Variants in DARS2 observed in about 807,000 individuals in gnomAD.
DARS2 encodes aspartyl-tRNA synthetase 2, mitochondrial, also known as aspartate--tRNA ligase, mitochondrial.
A neutral mutation model predicts 83.0 loss-of-function variants in DARS2; 63 were observed. That is an observed-to-expected ratio of 0.76 (90% confidence interval 0.62 to 0.94). The LOEUF (loss-of-function observed/expected upper bound fraction) is 0.94. DARS2 is among the 40% of genes least tolerant of loss of function. DARS2 has a pLI of 0.00. For missense variants in DARS2, 675 were observed against 774.4 expected (o/e 0.87, Z 1.52); for synonymous variants, 250 against 269.3 (o/e 0.93, Z 0.70).
Position 173,826,747 on chromosome 1 carries a change from G to A in DARS2, c.188G>A (p.Gly63Asp), listed in dbSNP as rs114714497. 294 of 1,613,146 alleles carry A rather than the reference G, an allele frequency of 1.8e-4. 1 individual carries two copies. The African/African-American group carries it at 3.6e-3, about 20-fold the overall frequency. The part of the protein sequence containing the change: ...TCGELRSSHL[G>D]QEVTLCGWIQ... ...GGAGAGTTGCGTTCGTCTCACTTAG[G>A]CCAAGAAGTCACCTTGTGTGGATGG... The change falls in exon 2 of 17, where the codon GGC (glycine) becomes GAC (aspartate). Residue 63 changes from glycine to aspartate, a missense_variant. Physicochemically the swap from Gly to Asp is moderately conservative, Grantham distance 94 (BLOSUM62 -1). Coordinates refer to ENST00000649689, the MANE Select transcript of DARS2 (RefSeq NM_018122.5).
rs531672172 is a variant in DARS2, at chr1:173,850,366, A to G, written c.1231A>G (p.Asn411Asp). Residue 411 changes from asparagine (N) to aspartate (D), a missense_variant, in exon 13 of 17, where the codon AAT becomes GAT. Coordinates refer to ENST00000649689, the MANE Select transcript of DARS2 (RefSeq NM_018122.5). ...ATTCCTTAACGCCAATAGAAACTGGAATTCTCCAGTTGCTAATTTCATAAT... is the reference window on the plus strand; with the variant it reads ...ATTCCTTAACGCCAATAGAAACTGGGATTCTCCAGTTGCTAATTTCATAAT... ...PVFLNANRNW[N>D]SPVANFIMES... 10 of 1,613,490 alleles carry G rather than the reference A, an allele frequency of 6.2e-6. No homozygotes were observed. In the South Asian group the frequency reaches 9.9e-5, roughly 16 times the overall value.
At chr1:173,855,801 C>A (rs1420898409) in intron 15 of DARS2, among the ~76,000 whole-genome samples, 13 of 150,854 alleles carry the variant, frequency 8.6e-5, no homozygotes, top group African/African-American at 3.0e-4. Flanking sequence ...CACAGGCACA[C>A]ACCATCACGC....
intron 12 of DARS2, among the ~76,000 whole-genome samples, chr1:173,847,926 C>T (rs58930477): frequency 0.016 from 2,307 of 146,890 alleles, 66 homozygotes; most frequent in African/African-American, 0.055. Context: ...CATCTCGGCT[C>T]ACTGCAAGCT....
In DARS2 at chr1:173,825,327, T is replaced by A. The variant is rs770435871; in HGVS notation, c.98T>A (p.Leu33Gln). The change falls in exon 1 of 17, where the codon CTG (leucine) becomes CAG (glutamine). Residue 33 changes from leucine (L) to glutamine (Q), a missense_variant. Leu to Gln is a moderately radical substitution (Grantham distance 113). Transcript: ENST00000649689. ...ATCTGGGGTTCTCTCTACAGAAGTC[T>A]GTTGCAGAGTTCACAGAGGAGAATT... ...QPIWGSLYRSLLQSSQRRIPE... is the reference protein window; with the variant it reads ...QPIWGSLYRSQLQSSQRRIPE... The A allele has an allele frequency of 1.9e-6, 3 of 1,613,820 alleles. No homozygotes were observed. The highest frequency in any genetic ancestry group is 1.1e-5 in the South Asian group (1 of 91,088).
chr1:173,854,981 C>A (rs964395729), intron 15 of DARS2, among the ~76,000 whole-genome samples: 1 of 152,038 alleles, frequency 6.6e-6, no homozygotes, highest in East Asian at 1.9e-4. Flanking sequence ...CCTAAAAGAT[C>A]GTTTTGTGGG....
intron 13 of DARS2, 63 bp from the exon 14 acceptor site, chr1:173,853,286 C>A: frequency 6.6e-7 from 1 of 1,521,098 alleles, no homozygotes; most frequent in Non-Finnish European, 9.1e-7. Context: ...GGAATCCAGG[C>A]TGTGTCATTT....
At chr1:173,835,526 C>T (rs995346644) in intron 7 of DARS2, among the ~76,000 whole-genome samples, 2 of 150,700 alleles carry the variant, frequency 1.3e-5, no homozygotes, top group South Asian at 4.2e-4. Context: ...GCAACAAGAC[C>T]GTATCTCTTG....
intron 5 of DARS2, among the ~76,000 whole-genome samples, chr1:173,831,936 T>C (rs1652810118): frequency 6.6e-6 from 1 of 152,190 alleles, no homozygotes; most frequent in Non-Finnish European, 1.5e-5. Flanking sequence ...TTGTTTAACA[T>C]TTGAAAGGAA....
Position 173,857,510 on chromosome 1 carries a change from A to G in DARS2, c.1751-8A>G. ...TTCTCATCTGTTATCTTTGTATTTT[A>G]CTCACAGGGTTAGACAGACTGATAT... On this transcript the variant is annotated splice_region_variant and splice_polypyrimidine_tract_variant and intron_variant, in intron 16 of 16. Coordinates refer to ENST00000649689, the MANE Select transcript of DARS2 (RefSeq NM_018122.5). 6.2e-7 allele frequency: 1 copy of G among 1,612,990 alleles called. No homozygotes were observed. Among genetic ancestry groups the G allele is most frequent in the Non-Finnish European group, 8.5e-7 (1 of 1,178,986 alleles).
intron 13 of DARS2, chr1:173,851,815 T>G (rs754483970): frequency 7.9e-5 from 78 of 984,824 alleles, no homozygotes; most frequent in Non-Finnish European, 8.6e-5. Flanking sequence ...ATATTTTCAT[T>G]TGTCATTGTT....
intron 7 of DARS2, among the ~76,000 whole-genome samples, chr1:173,834,838 G>C (rs1275515582): frequency 7.6e-6 from 1 of 132,416 alleles, no homozygotes; most frequent in African/African-American, 2.9e-5. Flanking sequence ...GAGTGCAGTG[G>C]CATGATCTCA....
chr1:173,844,357 A>G (rs1479651743), intron 11 of DARS2, among the ~76,000 whole-genome samples: 1 of 152,146 alleles, frequency 6.6e-6, no homozygotes, highest in African/African-American at 2.4e-5. Context: ...CCTGTGGAAT[A>G]CATTCACAGC....
At position 173,857,569 on chromosome 1, in the gene DARS2, T is replaced by C. The variant is rs1396852180; in HGVS notation, c.1802T>C (p.Val601Ala). The stretch of plus-strand genomic sequence containing the variant: ...ACTGGATCTCCAAGCATCAGAGATG[T>C]CATAGCCTTCCCAAAGTCCTTCCGG... Reference protein sequence around the residue: ...LVTGSPSIRDVIAFPKSFRGH... With the variant: ...LVTGSPSIRDAIAFPKSFRGH... The change falls in exon 17 of 17, where the codon GTC becomes GCC. Residue 601 changes from valine to alanine, a missense_variant. Val to Ala is a moderately conservative substitution (Grantham distance 64). Transcript: ENST00000649689. 3 of 1,614,184 alleles carry C rather than the reference T, an allele frequency of 1.9e-6. No homozygotes were observed. Among genetic ancestry groups the C allele is most frequent in the Non-Finnish European group, 2.5e-6 (3 of 1,180,024 alleles).
intron 6 of DARS2, among the ~76,000 whole-genome samples, chr1:173,833,905 A>G (rs1652884495): frequency 2.0e-5 from 3 of 151,974 alleles, no homozygotes; most frequent in Non-Finnish European, 4.4e-5. Flanking sequence ...GACCACAGAC[A>G]TGCACCACCA....
intron 13 of DARS2, among the ~76,000 whole-genome samples, chr1:173,853,146 T>C (rs1038594638): frequency 1.3e-5 from 2 of 152,218 alleles, no homozygotes; most frequent in Non-Finnish European, 2.9e-5. Context: ...ACTCACCCAG[T>C]TGGTTGAGTG....
At chr1:173,851,462 G>A (rs1653665712) in intron 13 of DARS2, among the ~76,000 whole-genome samples, 1 of 152,074 alleles carries the variant, frequency 6.6e-6, no homozygotes, top group South Asian at 2.1e-4. Context: ...TTCGTAAATT[G>A]TGGAGGGACG....
At chr1:173,853,292 C>G in intron 13 of DARS2, 57 bp from the exon 14 acceptor site, 3 of 1,555,822 alleles carry the variant, frequency 1.9e-6, no homozygotes, top group Non-Finnish European at 2.7e-6. Flanking sequence ...CAGGCTGTGT[C>G]ATTTCCTGCC....
intron 12 of DARS2, among the ~76,000 whole-genome samples, chr1:173,848,772 G>A (rs192487019): frequency 3.9e-5 from 6 of 152,234 alleles, no homozygotes; most frequent in African/African-American, 1.4e-4. Context: ...TTCATTTAAT[G>A]TGTTACACAC....
At chr1:173,856,762 T>A (rs1264834953) in intron 16 of DARS2, 21 bp downstream of exon 16, 1 of 1,602,190 alleles carries the variant, frequency 6.2e-7, no homozygotes, top group Non-Finnish European at 8.6e-7. Flanking sequence ...TTTCCTTTTA[T>A]AAGATAAACT....
Sources: allele counts gnomAD v4.1 joint callset (sites outside exome capture counted in the v4.1 genomes callset), GRCh38; gene constraint gnomAD v4.1.1; transcripts MANE v1.5; gene names NCBI Gene and HGNC (gene_info 2026-07-23, HGNC 2026-07-21).